The following KIF26B variants were observed in gnomAD, a reference collection of about 807,000 sequenced individuals.
The protein encoded by KIF26B is kinesin-like protein KIF26B.
KIF26B carries 63 observed loss-of-function variants against 151.2 expected under a neutral mutation model. That is an observed-to-expected ratio of 0.42 (90% CI 0.34 to 0.51). The LOEUF (loss-of-function observed/expected upper bound fraction) is 0.51. KIF26B is among the 20% of genes least tolerant of loss of function. KIF26B has a pLI of 0.07. For missense variants in KIF26B, 2,813 were observed against 2,913.6 expected (o/e 0.97, Z 0.79); for synonymous variants, 1,357 against 1,262.1 (o/e 1.08, Z -1.59).
chr1:245,277,716 T>A (rs1410259248), intron 2 of KIF26B, among the ~76,000 whole-genome samples: 1 of 152,196 alleles, frequency 6.6e-6, no homozygotes, highest in Non-Finnish European at 1.5e-5. Flanking sequence ...AACGTGATTC[T>A]TTGTGCAGCC....
intron 4 of KIF26B, among the ~76,000 whole-genome samples, chr1:245,533,800 A>C (rs947462210): frequency 4.6e-5 from 7 of 152,196 alleles, no homozygotes; most frequent in African/African-American, 1.7e-4. Context: ...TACAAAAAAA[A>C]AAAAGTCAAA....
chr1:245,177,815 C>T (rs890567614), intron 2 of KIF26B, among the ~76,000 whole-genome samples: 1 of 151,996 alleles, frequency 6.6e-6, no homozygotes, highest in African/African-American at 2.4e-5. Flanking sequence ...CCTCTGGAAC[C>T]CTGGTTTTTC....
At chr1:245,420,159 T>C (rs892892998) in intron 4 of KIF26B, among the ~76,000 whole-genome samples, 2 of 152,140 alleles carry the variant, frequency 1.3e-5, no homozygotes, top group African/African-American at 4.8e-5. Context: ...TATCTTCTCA[T>C]TACAGAAATT....
intron 5 of KIF26B, among the ~76,000 whole-genome samples, chr1:245,575,955 G>A (rs2043114108): frequency 6.6e-6 from 1 of 151,940 alleles, no homozygotes; most frequent in Admixed American, 6.6e-5. Context: ...GTTTCATGCT[G>A]GTGTCTAAGC....
chr1:245,698,880 G>C lies in KIF26B; in HGVS notation c.6028-7G>C. Reference sequence around the variant, plus strand: ...AGGGCCCTTTCTCCTCTCTGTCTGTGTGCTAGGAGGCCATGTGCTTCAATG... The same window carrying C: ...AGGGCCCTTTCTCCTCTCTGTCTGTCTGCTAGGAGGCCATGTGCTTCAATG... On this transcript the variant is annotated splice_region_variant and splice_polypyrimidine_tract_variant and intron_variant, in intron 13 of 14. Coordinates refer to ENST00000407071, the MANE Select transcript of KIF26B (RefSeq NM_018012.4). The surrounding 1 kb of genome is among the most constrained non-coding windows in gnomAD (Gnocchi z 4.0). The C allele has an allele frequency of 1.2e-6, 2 of 1,612,924 alleles. No individual in the cohort carries two copies. The highest frequency in any genetic ancestry group is 1.7e-6 in the Non-Finnish European group (2 of 1,179,226).
chr1:245,155,484 CG>C lies in KIF26B; in HGVS notation c.63+1del. On this transcript the variant is annotated frameshift_variant and splice_region_variant, in exon 1 of 15. Transcript: ENST00000407071. LOFTEE classifies it high-confidence loss of function. ...LAVSTRGKKY[G>X]VNEVCSPTKP... is the part of the protein sequence containing the mutation. The stretch of plus-strand genomic sequence containing the variant: ...CGGTCTCCACCAGGGGCAAGAAATA[CG>C]GGGTAAGTTGTGACGGTACGACGCG... The C allele has an allele frequency of 6.2e-7, 1 of 1,610,116 alleles. No individual in the cohort carries two copies. Among genetic ancestry groups the C allele is most frequent in the Non-Finnish European group, 8.5e-7 (1 of 1,177,594 alleles).
chr1:245,570,786 C>T (rs980071151), intron 5 of KIF26B, among the ~76,000 whole-genome samples: 1 of 152,134 alleles, frequency 6.6e-6, no homozygotes, highest in Non-Finnish European at 1.5e-5. Context: ...AACATAAGGT[C>T]GCAAAAGTCA....
At chr1:245,303,000 A>AAAAAAAG (rs1671456059) in intron 2 of KIF26B, among the ~76,000 whole-genome samples, 1 of 149,492 alleles carries the variant, frequency 6.7e-6, no homozygotes, top group Admixed American at 6.7e-5. Flanking sequence ...AAAAAAAAAA[A>AAAAAAAG]AAAAAAAAAA....
chr1:245,191,655 A>G (rs1354555909), intron 2 of KIF26B, among the ~76,000 whole-genome samples: 2 of 152,220 alleles, frequency 1.3e-5, no homozygotes, highest in Non-Finnish European at 2.9e-5. Context: ...GACAAAATCA[A>G]AGGGCAGGCG....
chr1:245,304,699 C>CCATCCATCCATCCATCCATCCATCCA (rs1553342834), intron 2 of KIF26B, among the ~76,000 whole-genome samples: 2 of 150,552 alleles, frequency 1.3e-5, no homozygotes, highest in African/African-American at 2.5e-5. Flanking sequence ...ACGTCCATCC[C>CCATCCATCCATCCATCCATCCATCCA]TCCATCCATC....
At chr1:245,660,927 T>C (rs1198044256) in intron 10 of KIF26B, among the ~76,000 whole-genome samples, 3 of 151,980 alleles carry the variant, frequency 2.0e-5, no homozygotes, top group Non-Finnish European at 2.9e-5. Flanking sequence ...GCAATCCACC[T>C]GCCTCAACCT....
chr1:245,441,934 C>A (rs73132087), intron 4 of KIF26B, among the ~76,000 whole-genome samples: 27,016 of 152,152 alleles, frequency 0.18, 3,128 homozygotes, highest in African/African-American at 0.33. Flanking sequence ...CAGACGGAAG[C>A]AGGGGAGGAG....
intron 10 of KIF26B, among the ~76,000 whole-genome samples, chr1:245,656,365 G>GAGTCAT (rs2044074843): frequency 6.6e-6 from 1 of 152,182 alleles, no homozygotes; most frequent in Non-Finnish European, 1.5e-5. Flanking sequence ...CTAAATGCCT[G>GAGTCAT]AGTCATTCAC....
intron 4 of KIF26B, among the ~76,000 whole-genome samples, chr1:245,514,923 T>C (rs1660916523): frequency 1.3e-5 from 2 of 152,226 alleles, no homozygotes; most frequent in Non-Finnish European, 2.9e-5. Context: ...ATGTCAATAC[T>C]GTCCTCATGT....
At position 245,707,922 on chromosome 1, in the gene KIF26B, C is replaced by T. The variant is rs1171141759; in HGVS notation, c.*5316C>T. 2 of 152,214 alleles carry T rather than the reference C, an allele frequency of 1.3e-5. No individual in the cohort carries two copies. Among genetic ancestry groups the T allele is most frequent in the African/African-American group, 4.8e-5 (2 of 41,436 alleles). 9.4% of individuals were successfully genotyped at this position (152,214 alleles called of 1,614,324 possible). ...CATTTCCCTAAGACTCCCATCCAAC[C>T]CCTAGTGCTACTGAAGAGGGTTTGG... is the stretch of plus-strand genomic sequence containing the variant. On this transcript the variant is annotated 3_prime_UTR_variant, in exon 15 of 15. Coordinates refer to ENST00000407071, the MANE Select transcript of KIF26B (RefSeq NM_018012.4).
chr1:245,441,164 T>A (rs988810447), intron 4 of KIF26B, among the ~76,000 whole-genome samples: 1 of 152,168 alleles, frequency 6.6e-6, no homozygotes, highest in African/African-American at 2.4e-5. Context: ...GCAATCCAGC[T>A]GGTGTCTACC....
chr1:245,335,300 C>A (rs1273329196), intron 2 of KIF26B, among the ~76,000 whole-genome samples: 21 of 152,206 alleles, frequency 1.4e-4, no homozygotes, highest in Admixed American at 1.4e-3. Context: ...GCCACTTCCC[C>A]TTTTTGGCTT....
intron 2 of KIF26B, among the ~76,000 whole-genome samples, chr1:245,342,487 G>A (rs1278131994): frequency 6.6e-6 from 1 of 152,186 alleles, no homozygotes; most frequent in Admixed American, 6.5e-5. Flanking sequence ...ACCCACCGGT[G>A]GCTCCTCCGT....
chr1:245,682,227 A>C (rs1171732819), intron 10 of KIF26B, among the ~76,000 whole-genome samples: 1 of 152,252 alleles, frequency 6.6e-6, no homozygotes, highest in Admixed American at 6.5e-5. Context: ...CCTGGGCAAC[A>C]GAGCAAGAGT....
Sources: allele counts gnomAD v4.1 joint callset (sites outside exome capture counted in the v4.1 genomes callset), GRCh38; gene constraint gnomAD v4.1.1; non-coding constraint Gnocchi (gnomAD v3.1); transcripts MANE v1.5; gene names NCBI Gene and HGNC (gene_info 2026-07-23, HGNC 2026-07-21).